The following GSTO2 variants were observed in gnomAD, a reference collection of about 807,000 sequenced individuals.
GSTO2 encodes the protein glutathione S-transferase omega 2, also known as glutathione S-transferase omega-2.
Under a neutral mutation model 28.4 loss-of-function variants are expected in GSTO2, and 23 were observed. The observed-to-expected ratio is 0.81, with a 90% CI of 0.58 to 1.15. GSTO2 has a LOEUF of 1.15. GSTO2 is among the 50% of genes most tolerant of loss of function. GSTO2 has a pLI of 0.00. For missense variants in GSTO2, 298 were observed against 297.8 expected (o/e 1.00, Z 0.00); for synonymous variants, 109 against 111.0 (o/e 0.98, Z 0.11).
chr10:104,274,447 T>C (rs1181748244), intron 1 of GSTO2, among the ~76,000 whole-genome samples: 2 of 152,176 alleles, frequency 1.3e-5, no homozygotes, highest in Admixed American at 6.5e-5. Flanking sequence ...TTTAAAGCTG[T>C]ACTTACTTAC....
chr10:104,276,246 G>A (rs2011626890), intron 3 of GSTO2, among the ~76,000 whole-genome samples: 1 of 152,190 alleles, frequency 6.6e-6, no homozygotes, highest in African/African-American at 2.4e-5. Flanking sequence ...AGTATATAGG[G>A]CCTGTATTTC....
At chr10:104,292,008 G>C (rs995672463) in intron 5 of GSTO2, among the ~76,000 whole-genome samples, 1 of 152,076 alleles carries the variant, frequency 6.6e-6, no homozygotes, top group African/African-American at 2.4e-5. Flanking sequence ...GAAAATCTGA[G>C]GCCTAGAAGC....
At chr10:104,288,161 A>G (rs974983541) in intron 5 of GSTO2, among the ~76,000 whole-genome samples, 2 of 152,160 alleles carry the variant, frequency 1.3e-5, no homozygotes, top group African/African-American at 4.8e-5. Flanking sequence ...AAGTGCTGGG[A>G]TTACAGGCGT....
rs145768674 is a variant in GSTO2, at chr10:104,299,757, A to G, written c.*473A>G. ...TCTCCAAAGTGTTGAGATTACAGGC[A>G]TGAGCCACCTGGCCTGCCTAGCCTG... On this transcript the variant is annotated 3_prime_UTR_variant, in exon 7 of 7. Transcript: ENST00000338595. 1 of 170,964 alleles carries G rather than the reference A, an allele frequency of 5.8e-6. No homozygotes were observed. Among genetic ancestry groups the G allele is most frequent in the Admixed American group, 6.5e-5 (1 of 15,486 alleles). 10.6% of individuals were successfully genotyped at this position (170,964 alleles called of 1,614,324 possible).
rs758445676 is a variant in GSTO2, at chr10:104,301,002, CAG to C, written c.*1719_*1720del. On this transcript the variant is annotated 3_prime_UTR_variant, in exon 7 of 7. Transcript: ENST00000338595. ...AACTTCCAGAAGAGGCAGCGCATGA[CAG>C]GGGCAGTCTGCCGCACCATCTGCTC... is the stretch of plus-strand genomic sequence containing the variant. 11 of 152,322 alleles carry C rather than the reference CAG, an allele frequency of 7.2e-5. No homozygotes were observed. Among genetic ancestry groups the C allele is most frequent in the South Asian group, 4.1e-4 (2 of 4,834 alleles). The allele number at this position is 152,322 out of a possible 1,614,324, so 9.4% of individuals were successfully genotyped here.
At chr10:104,281,726 G>A (rs1278637541) in intron 5 of GSTO2, among the ~76,000 whole-genome samples, 1 of 152,160 alleles carries the variant, frequency 6.6e-6, no homozygotes, top group Admixed American at 6.5e-5. Context: ...CTCAGAACTA[G>A]GTACTAGGAA....
intron 5 of GSTO2, among the ~76,000 whole-genome samples, chr10:104,285,423 C>T (rs938525158): frequency 3.3e-5 from 5 of 151,798 alleles, no homozygotes; most frequent in African/African-American, 4.8e-5. Context: ...CTGAAGCCAC[C>T]GAGCCTGCCT....
chr10:104,277,627 C>T (rs1373885372), intron 3 of GSTO2, among the ~76,000 whole-genome samples: 1 of 152,090 alleles, frequency 6.6e-6, no homozygotes, highest in Non-Finnish European at 1.5e-5. Flanking sequence ...GTGTGAGATT[C>T]AACCCCCTTG....
intron 5 of GSTO2, among the ~76,000 whole-genome samples, chr10:104,287,589 T>C (rs1006659504): frequency 2.0e-5 from 3 of 152,138 alleles, no homozygotes; most frequent in Admixed American, 6.5e-5. Context: ...CACACAGTAA[T>C]ACAGGTGGTA....
intron 1 of GSTO2, among the ~76,000 whole-genome samples, chr10:104,271,504 G>T (rs891044318): frequency 5.3e-5 from 8 of 152,144 alleles, no homozygotes; most frequent in African/African-American, 1.9e-4. Context: ...TTCTCATTTT[G>T]CAGGTGAGGA....
intron 5 of GSTO2, chr10:104,291,248 C>T (rs2012751061): frequency 6.6e-6 from 1 of 152,208 alleles, no homozygotes; most frequent in Admixed American, 6.5e-5. Flanking sequence ...CTTTCTTCCT[C>T]CTCCAGCAAG....
chr10:104,279,971 T>A (rs944893885), intron 5 of GSTO2, among the ~76,000 whole-genome samples: 3 of 152,054 alleles, frequency 2.0e-5, no homozygotes, highest in African/African-American at 4.8e-5. Flanking sequence ...AAGACCAGCC[T>A]AGGCAACATA....
intron 5 of GSTO2, among the ~76,000 whole-genome samples, chr10:104,293,491 G>A (rs1339479449): frequency 6.6e-6 from 1 of 150,492 alleles, no homozygotes; most frequent in Non-Finnish European, 1.5e-5. Context: ...CAAACTTCTG[G>A]GCTCAAGTGA....
chr10:104,284,858 A>G (rs2012320603), intron 5 of GSTO2, among the ~76,000 whole-genome samples: 1 of 152,182 alleles, frequency 6.6e-6, no homozygotes, highest in African/African-American at 2.4e-5. Flanking sequence ...TTAAATCTAG[A>G]AAGTGTTCGT....
intron 5 of GSTO2, among the ~76,000 whole-genome samples, chr10:104,290,261 T>G (rs1170395637): frequency 6.6e-6 from 1 of 152,188 alleles, no homozygotes; most frequent in African/African-American, 2.4e-5. Flanking sequence ...ATCCCAGTAC[T>G]TTGGGAGGCC....
rs768279768 is a variant in GSTO2, at chr10:104,272,587, C to CTTTTTTTTTTTTTTT, written c.-231-2068_-231-2054dup. On this transcript the variant is annotated intron_variant, in intron 1 of 6. Coordinates refer to ENST00000338595, the MANE Select transcript of GSTO2 (RefSeq NM_183239.2). ...GAATCAAAATAGAACAGTTATGGGA[C>CTTTTTTTTTTTTTTT]TTTTTTTTTTTTTTTTTTTTTTTTT... Among the ~76,000 whole-genome samples, 52 of 49,306 alleles carry CTTTTTTTTTTTTTTT rather than the reference C, an allele frequency of 1.1e-3. 15 individuals are homozygous for CTTTTTTTTTTTTTTT. The highest frequency in any genetic ancestry group is 1.8e-3 in the East Asian group (2 of 1,124). The allele number at this position is 49,306 out of a possible 152,430, so 32.3% of individuals were successfully genotyped here.
intron 5 of GSTO2, among the ~76,000 whole-genome samples, chr10:104,285,364 GCT>G (rs1224145148): frequency 1.3e-5 from 2 of 152,126 alleles, no homozygotes; most frequent in East Asian, 3.9e-4. Context: ...GAGCTCCTGG[GCT>G]CAAGCAGTAC....
intron 1 of GSTO2, among the ~76,000 whole-genome samples, chr10:104,273,897 CAG>C (rs1233694597): frequency 6.6e-6 from 1 of 152,184 alleles, no homozygotes; most frequent in African/African-American, 2.4e-5. Flanking sequence ...GAGTGAGACA[CAG>C]AAAATATTTT....
At chr10:104,299,028 A>C (rs1202503708) in intron 6 of GSTO2, 100 bp from the exon 7 acceptor site, 6 of 1,096,930 alleles carry the variant, frequency 5.5e-6, no homozygotes, top group Non-Finnish European at 7.7e-6. Flanking sequence ...CTTCCCAAAT[A>C]AACTCATTCT....
Sources: allele counts gnomAD v4.1 joint callset (sites outside exome capture counted in the v4.1 genomes callset), GRCh38; gene constraint gnomAD v4.1.1; transcripts MANE v1.5; gene names NCBI Gene and HGNC (gene_info 2026-07-23, HGNC 2026-07-21).